The following PCGF3 variants were observed in gnomAD, a reference collection of about 807,000 sequenced individuals.
PCGF3 encodes polycomb group ring finger 3, also known as polycomb group RING finger protein 3.
PCGF3 carries 7 observed loss-of-function variants against 33.1 expected under a neutral mutation model. The observed-to-expected ratio is 0.21, with a 90% CI of 0.12 to 0.40. The LOEUF (loss-of-function observed/expected upper bound fraction) is 0.40. Among genes scored for constraint, PCGF3 ranks in the 10% least tolerant of loss-of-function variants. PCGF3 has a pLI of 1.00. For synonymous variants in PCGF3, 153 were observed against 121.3 expected, an observed-to-expected ratio of 1.26 and a Z score of -1.72; for missense variants, 211 against 313.3, an observed-to-expected ratio of 0.67 and a Z score of 2.46.
At chr4:754,640 T>C (rs1298644046) in intron 8 of PCGF3, among the ~76,000 whole-genome samples, 1 of 151,998 alleles carries the variant, frequency 6.6e-6, no homozygotes, top group Non-Finnish European at 1.5e-5. Flanking sequence ...GGAGGTGAGG[T>C]TGGGGACCTT....
At chr4:710,791 C>T (rs1223526493) in intron 1 of PCGF3, among the ~76,000 whole-genome samples, 1 of 152,226 alleles carries the variant, frequency 6.6e-6, no homozygotes, top group Non-Finnish European at 1.5e-5. Flanking sequence ...GATGTCAAAT[C>T]CTTCCCAACA....
chr4:744,200 G>A (rs1008243568), intron 7 of PCGF3, among the ~76,000 whole-genome samples: 2 of 152,176 alleles, frequency 1.3e-5, no homozygotes, highest in Admixed American at 1.3e-4. Flanking sequence ...TTTACCTGAG[G>A]GGAAGTTTTC....
intron 1 of PCGF3, among the ~76,000 whole-genome samples, chr4:717,780 C>T (rs551291903): frequency 6.6e-6 from 1 of 152,360 alleles, no homozygotes; most frequent in African/African-American, 2.4e-5. Flanking sequence ...GCACAGGGCG[C>T]CCTGAGCGAG....
intron 9 of PCGF3, chr4:761,824 G>A (rs927757398): frequency 2.0e-6 from 2 of 985,294 alleles, no homozygotes; most frequent in African/African-American, 1.7e-5. Context: ...CTTGGCAGCG[G>A]GCGCACCATG....
At chr4:731,412 C>T in intron 3 of PCGF3, 1 of 373,638 alleles carries the variant, frequency 2.7e-6, no homozygotes, top group South Asian at 1.2e-4. Context: ...GAGCCTGGGG[C>T]CTCAGCCCAG....
At chr4:761,700 A>G (rs761563625) in intron 9 of PCGF3, 6 of 985,412 alleles carry the variant, frequency 6.1e-6, no homozygotes, top group Non-Finnish European at 7.2e-6. Flanking sequence ...TTTCCTCAAA[A>G]CGAGAAATTC....
chr4:717,410 T>G (rs1742902798), intron 1 of PCGF3, among the ~76,000 whole-genome samples: 1 of 152,156 alleles, frequency 6.6e-6, no homozygotes, highest in Non-Finnish European at 1.5e-5. Flanking sequence ...TTTTCAGTCT[T>G]GCTTTGTCAC....
chr4:761,509 T>G, intron 9 of PCGF3, 93 bp downstream of exon 9: 1 of 1,450,996 alleles, frequency 6.9e-7, no homozygotes, highest in Non-Finnish European at 9.2e-7. Flanking sequence ...GTTTTGTTTT[T>G]AACAATTTTG....
chr4:726,841 CT>C (rs1394403263), intron 1 of PCGF3, among the ~76,000 whole-genome samples: 1 of 152,338 alleles, frequency 6.6e-6, no homozygotes, highest in Admixed American at 6.5e-5. Flanking sequence ...TTTTCACCCC[CT>C]GTCCAGTTTC....
At chr4:748,601 G>A (rs1172594066) in intron 8 of PCGF3, among the ~76,000 whole-genome samples, 1 of 152,212 alleles carries the variant, frequency 6.6e-6, no homozygotes, top group Admixed American at 6.5e-5. Context: ...TTGCCTTGTG[G>A]GTCAGTAGAG....
chr4:734,311 C>T lies in PCGF3; in HGVS notation c.109+522C>T, dbSNP rs1743743523. On this transcript the variant is annotated intron_variant, in intron 4 of 10. Coordinates refer to ENST00000362003, the Ensembl canonical transcript of PCGF3. ...CTCGGCTCTTATGCTAACCTGAGGC[C>T]CCATGGCTGGCGGCCCTGCTGGTGT... 20 of 1,444,670 alleles carry T rather than the reference C, an allele frequency of 1.4e-5. No homozygotes were observed. In the South Asian group the frequency reaches 2.7e-4, roughly 20 times the overall value. 89.5% of individuals were successfully genotyped at this position (1,444,670 alleles called of 1,614,324 possible).
exon 11 of PCGF3, chr4:769,080 A>G (rs569218907): frequency 6.5e-6 from 1 of 152,814 alleles, no homozygotes; most frequent in East Asian, 1.9e-4. Context: ...CCCGTCAGCC[A>G]GTGATGCCTC....
Position 726,614 on chromosome 4 carries a change from G to A in PCGF3, c.-189-4016G>A, listed in dbSNP as rs562525312. 9.0e-4 allele frequency among the ~76,000 whole-genome samples: 137 copies of A among 152,220 alleles called. 1 individual carries two copies. The highest frequency in any genetic ancestry group is 3.0e-3 in the African/African-American group (125 of 41,516). ...TCTTCTCCTCATCCACGATCATGAC[G>A]ATACCCTCCTTAGCAACCTCCAAAG... On this transcript the variant is annotated intron_variant, in intron 1 of 10. Transcript: ENST00000362003.
chr4:744,081 G>A (rs773950364), intron 7 of PCGF3: 34 of 164,392 alleles, frequency 2.1e-4, no homozygotes, highest in Non-Finnish European at 3.7e-4. Flanking sequence ...TTGGAGGGTG[G>A]GAGGGGCCTG....
At chr4:731,153 T>C (rs1743539260) in intron 3 of PCGF3, 43 bp downstream of exon 3, 1 of 398,498 alleles carries the variant, frequency 2.5e-6, no homozygotes, top group Admixed American at 4.4e-5. Context: ...TGCTGACTCC[T>C]TGCCCTGCCC....
At chr4:761,889 C>T in intron 9 of PCGF3, 1 of 985,434 alleles carries the variant, frequency 1.0e-6, no homozygotes. Flanking sequence ...CATGGGGATG[C>T]AGGCGCCAGC....
intron 1 of PCGF3, among the ~76,000 whole-genome samples, chr4:708,591 G>C (rs531207114): frequency 2.0e-4 from 31 of 152,268 alleles, no homozygotes; most frequent in Non-Finnish European, 3.8e-4. Flanking sequence ...CAGCCCACAG[G>C]CTCCACACCT....
chr4:716,508 C>T (rs1384991398), intron 1 of PCGF3, among the ~76,000 whole-genome samples: 7 of 91,936 alleles, frequency 7.6e-5, no homozygotes, highest in African/African-American at 2.2e-4. Flanking sequence ...GTGGACACTG[C>T]GAGTGTGAGA....
chr4:732,126 A>AG (rs1491129487), intron 3 of PCGF3, among the ~76,000 whole-genome samples: 6 of 68,800 alleles, frequency 8.7e-5, no homozygotes, highest in Admixed American at 2.9e-4. Flanking sequence ...CGTGGTCCTC[A>AG]GGGGCGTAGG....
Sources: gnomAD v4.1 joint callset for allele counts (sites outside exome capture counted in the v4.1 genomes callset) on GRCh38, gnomAD v4.1.1 for gene constraint, MANE v1.5 for transcripts, NCBI Gene and HGNC (gene_info 2026-07-23, HGNC 2026-07-21) for gene names.